Variants in PICALM observed in about 807,000 individuals in gnomAD.
PICALM encodes phosphatidylinositol binding clathrin assembly protein.
Under a neutral mutation model 80.5 loss-of-function variants are expected in PICALM, and 40 were observed. That is an observed-to-expected ratio of 0.50 (90% CI 0.39 to 0.65). The LOEUF (loss-of-function observed/expected upper bound fraction) is 0.65, where lower values mean the gene tolerates loss of function less well. PICALM is among the 30% of genes least tolerant of loss of function. The probability of loss-of-function intolerance (pLI) is 0.00; values close to 1 mark genes in which losing one functional copy is unlikely to be tolerated. For missense variants in PICALM, 676 were observed against 778.9 expected (o/e 0.87, Z 1.57); for synonymous variants, 288 against 260.3 (o/e 1.11, Z -1.02).
intron 16 of PICALM, 124 bp downstream of exon 16, chr11:85,981,621 A>AG (rs2094445348): frequency 2.8e-6 from 2 of 717,268 alleles, no homozygotes; most frequent in Non-Finnish European, 4.7e-6. Flanking sequence ...AAAAAAAAAA[A>AG]AGATGCAGAC....
intron 10 of PICALM, 96 bp from the exon 11 acceptor site, chr11:86,000,875 T>C: frequency 6.7e-7 from 1 of 1,494,780 alleles, no homozygotes; most frequent in South Asian, 1.3e-5. Context: ...TGATAGCAGA[T>C]ATTCTGTTTT....
intron 4 of PICALM, among the ~76,000 whole-genome samples, chr11:86,020,557 C>T (rs2095548155): frequency 6.6e-6 from 1 of 151,954 alleles, no homozygotes; most frequent in African/African-American, 2.4e-5. Context: ...CAGAACAGAA[C>T]TGCAAGTCCA....
intron 17 of PICALM, among the ~76,000 whole-genome samples, chr11:85,979,077 A>T (rs193010767): frequency 1.5e-4 from 23 of 152,284 alleles, no homozygotes; most frequent in Admixed American, 8.5e-4. Flanking sequence ...GGAAAAAAAA[A>T]ATCTTTAGAA....
chr11:86,011,844 C>T (rs1332683428), intron 6 of PICALM, among the ~76,000 whole-genome samples: 1 of 149,078 alleles, frequency 6.7e-6, no homozygotes, highest in Non-Finnish European at 1.5e-5. Flanking sequence ...AACTTACTAT[C>T]CTTTTTGTTT....
intron 2 of PICALM, among the ~76,000 whole-genome samples, chr11:86,030,994 T>C (rs1184846392): frequency 6.6e-6 from 1 of 152,032 alleles, no homozygotes; most frequent in Non-Finnish European, 1.5e-5. Flanking sequence ...AGCACACACT[T>C]GTAATCCCAG....
chr11:86,000,907 A>C, intron 10 of PICALM, 128 bp from the exon 11 acceptor site: 2 of 1,481,318 alleles, frequency 1.4e-6, no homozygotes, highest in Admixed American at 4.0e-5. Context: ...TGTCAGGACG[A>C]AAAGTTAGAC....
rs183496535 is a variant in PICALM, at chr11:86,067,022, T to C, written c.130+1629A>G. Among the ~76,000 whole-genome samples, 363 of 152,362 alleles carry C rather than the reference T, an allele frequency of 2.4e-3. 3 individuals are homozygous for C. Among genetic ancestry groups the C allele is most frequent in the Admixed American group, 0.02 (307 of 15,300 alleles). ...AGAGTTTAAAAGCAGCCTGCATGCATATCTGAAAGAATCAAGCACTAATGC... is the reference window on the plus strand; with the variant it reads ...AGAGTTTAAAAGCAGCCTGCATGCACATCTGAAAGAATCAAGCACTAATGC... On this transcript the variant is annotated intron_variant, in intron 1 of 19. Coordinates refer to ENST00000393346, the MANE Select transcript of PICALM (RefSeq NM_007166.4).
chr11:86,030,676 T>C lies in PICALM; in HGVS notation c.273+793A>G, dbSNP rs187330349. On this transcript the variant is annotated intron_variant, in intron 2 of 19. Transcript: ENST00000393346. ...AGCGTATATATCTTATTTGTTACCC[T>C]TTTAGGCAACAAAGGCTTCAGACAC... is the stretch of plus-strand genomic sequence containing the variant. 5.1e-3 allele frequency among the ~76,000 whole-genome samples: 777 copies of C among 152,318 alleles called. 5 individuals are homozygous for C. Among genetic ancestry groups the C allele is most frequent in the Non-Finnish European group, 8.7e-3 (592 of 68,028 alleles).
Position 86,061,330 on chromosome 11 carries a change from C to CAAAAAAAAA in PICALM, c.130+7312_130+7320dup, listed in dbSNP as rs58836221. 1.4e-4 allele frequency among the ~76,000 whole-genome samples: 11 copies of CAAAAAAAAA among 81,146 alleles called. 1 individual carries two copies. Among genetic ancestry groups the CAAAAAAAAA allele is most frequent in the African/African-American group, 4.2e-4 (9 of 21,328 alleles). 53.2% of individuals were successfully genotyped at this position (81,146 alleles called of 152,430 possible). The stretch of plus-strand genomic sequence containing the variant: ...CGGGAGACAGAGCAAGACTCCATCT[C>CAAAAAAAAA]AAAAAAAAAAAAAAAAAAAAAAAAA... On this transcript the variant is annotated intron_variant, in intron 1 of 19. Coordinates refer to ENST00000393346, the MANE Select transcript of PICALM (RefSeq NM_007166.4).
At chr11:86,015,861 G>C (rs1018266760) in intron 4 of PICALM, among the ~76,000 whole-genome samples, 2 of 152,106 alleles carry the variant, frequency 1.3e-5, no homozygotes. Flanking sequence ...TCTACCCTAC[G>C]ATAAACCATG....
At chr11:86,011,633 GA>G (rs1327094342) in intron 6 of PICALM, among the ~76,000 whole-genome samples, 1 of 152,052 alleles carries the variant, frequency 6.6e-6, no homozygotes, top group East Asian at 1.9e-4. Flanking sequence ...TTTCACTTGT[GA>G]AAAAATAAGC....
chr11:86,058,699 T>C (rs1444282404), intron 1 of PICALM, among the ~76,000 whole-genome samples: 2 of 152,190 alleles, frequency 1.3e-5, no homozygotes, highest in Non-Finnish European at 2.9e-5. Flanking sequence ...AGACACTTCT[T>C]TTCTTTTACA....
At chr11:86,063,987 A>G (rs1187596612) in intron 1 of PICALM, among the ~76,000 whole-genome samples, 1 of 152,174 alleles carries the variant, frequency 6.6e-6, no homozygotes, top group Non-Finnish European at 1.5e-5. Context: ...CATCCTAGTT[A>G]CCAGATCCTT....
chr11:86,015,136 A>G (rs542691103), intron 4 of PICALM, among the ~76,000 whole-genome samples, 173 bp from the exon 5 acceptor site: 85 of 152,324 alleles, frequency 5.6e-4, no homozygotes, highest in African/African-American at 1.9e-3. Context: ...AGAAAAAACA[A>G]AAACAGGCAA....
chr11:86,023,490 C>T, intron 3 of PICALM: 1 of 984,870 alleles, frequency 1.0e-6, no homozygotes, highest in Non-Finnish European at 1.2e-6. Flanking sequence ...ATCTACTATA[C>T]CCCATCCTAA....
chr11:86,003,406 A>G lies in PICALM; in HGVS notation c.853T>C (p.Leu285=). 3 of 1,599,686 alleles carry G rather than the reference A, an allele frequency of 1.9e-6. No homozygotes were observed. Among genetic ancestry groups the G allele is most frequent in the Non-Finnish European group, 2.6e-6 (3 of 1,169,406 alleles). The change falls in exon 9 of 20, where the codon TTG becomes CTG. Residue 285 remains leucine, a synonymous_variant. Coordinates refer to ENST00000393346, the MANE Select transcript of PICALM (RefSeq NM_007166.4). ...LDALEQHLAS[L]EGKKIKDSTA... Reference sequence around the variant, plus strand: ...GAATCTTTGATTTTCTTTCCTTCCAAGGAAGCTAAATGTTGTTCCAAAGCA... The same window carrying G: ...GAATCTTTGATTTTCTTTCCTTCCAGGGAAGCTAAATGTTGTTCCAAAGCA...
intron 17 of PICALM, among the ~76,000 whole-genome samples, chr11:85,979,208 G>C (rs1223420315): frequency 6.6e-6 from 1 of 152,186 alleles, no homozygotes; most frequent in African/African-American, 2.4e-5. Flanking sequence ...AGTGATGATA[G>C]GCTGGGCGTG....
intron 18 of PICALM, among the ~76,000 whole-genome samples, chr11:85,975,845 C>T: frequency 6.6e-6 from 1 of 152,162 alleles, no homozygotes; most frequent in East Asian, 1.9e-4. Flanking sequence ...GATCCACCCA[C>T]CTTGGCCTCC....
At chr11:85,998,831 C>T (rs1240673906) in intron 11 of PICALM, among the ~76,000 whole-genome samples, 1 of 152,076 alleles carries the variant, frequency 6.6e-6, no homozygotes, top group Admixed American at 6.6e-5. Flanking sequence ...AGAGATGTTG[C>T]CCAGGCTAGC....
Sources: gnomAD v4.1 joint callset for allele counts (sites outside exome capture counted in the v4.1 genomes callset) on GRCh38, gnomAD v4.1.1 for gene constraint, MANE v1.5 for transcripts, NCBI Gene and HGNC (gene_info 2026-07-23, HGNC 2026-07-21) for gene names.